Variants in DLGAP2 observed in about 807,000 individuals in gnomAD.
DLGAP2 encodes the protein DLG associated protein 2, also known as disks large-associated protein 2.
A neutral mutation model predicts 100.3 loss-of-function variants in DLGAP2; 26 were observed. The observed-to-expected ratio is 0.26, with a 90% CI of 0.19 to 0.36. DLGAP2 has a LOEUF of 0.36. Among genes scored for constraint, DLGAP2 ranks in the 10% least tolerant of loss-of-function variants. The pLI is 1.00. For synonymous variants in DLGAP2, 886 were observed against 630.1 expected (o/e 1.41, Z -6.08); for missense variants, 1,858 against 1,453.2 (o/e 1.28, Z -4.53).
intron 2 of DLGAP2, among the ~76,000 whole-genome samples, chr8:947,532 A>G (rs1799359210): frequency 2.0e-5 from 3 of 152,270 alleles, no homozygotes; most frequent in African/African-American, 7.2e-5. Context: ...TGGTGGCTGC[A>G]GGTTGCTGAT....
intron 3 of DLGAP2, among the ~76,000 whole-genome samples, chr8:1,422,164 G>A (rs1028416227): frequency 2.0e-5 from 3 of 152,150 alleles, no homozygotes; most frequent in Admixed American, 6.5e-5. Context: ...GCTGAGTCGC[G>A]AGGATGTTTC....
At chr8:803,787 T>C (rs1796215687) in intron 1 of DLGAP2, among the ~76,000 whole-genome samples, 1 of 152,234 alleles carries the variant, frequency 6.6e-6, no homozygotes, top group African/African-American at 2.4e-5. Flanking sequence ...TTGTGATACT[T>C]ATGCTAAAAT....
chr8:1,185,532 C>G (rs1027539209), intron 2 of DLGAP2, among the ~76,000 whole-genome samples: 5 of 152,158 alleles, frequency 3.3e-5, no homozygotes, highest in Admixed American at 3.3e-4. Flanking sequence ...TAGGAACCGT[C>G]ATACCATCAT....
At chr8:763,327 C>T (rs1821133822) in intron 1 of DLGAP2, among the ~76,000 whole-genome samples, 1 of 152,186 alleles carries the variant, frequency 6.6e-6, no homozygotes. Context: ...ATCACTGTTA[C>T]TGTTGTCACT....
intron 1 of DLGAP2, among the ~76,000 whole-genome samples, chr8:796,298 C>G (rs1796035635): frequency 6.6e-6 from 1 of 152,102 alleles, no homozygotes; most frequent in Non-Finnish European, 1.5e-5. Flanking sequence ...ACTTTGTGTC[C>G]CTGCTCTGAG....
intron 3 of DLGAP2, among the ~76,000 whole-genome samples, chr8:1,457,780 C>T (rs947966230): frequency 2.0e-5 from 3 of 151,890 alleles, no homozygotes; most frequent in African/African-American, 4.8e-5. Context: ...GTTGCCCTTC[C>T]TCCCTCCAGG....
At chr8:1,697,639 A>G (rs941766992) in intron 14 of DLGAP2, among the ~76,000 whole-genome samples, 6 of 152,238 alleles carry the variant, frequency 3.9e-5, no homozygotes, top group African/African-American at 1.4e-4. Flanking sequence ...CCTATGAATT[A>G]TCTTTATCAA....
intron 6 of DLGAP2, among the ~76,000 whole-genome samples, chr8:1,593,648 G>A (rs996486085): frequency 9.9e-5 from 15 of 152,114 alleles, no homozygotes; most frequent in Non-Finnish European, 1.5e-4. Context: ...TCCCAGGGGA[G>A]GGAAGGATCA....
intron 4 of DLGAP2, among the ~76,000 whole-genome samples, chr8:1,536,505 C>T (rs181571215): frequency 3.3e-5 from 5 of 152,222 alleles, no homozygotes; most frequent in Admixed American, 2.0e-4. Context: ...TTTTTCCATT[C>T]GGTAAACCAG....
intron 3 of DLGAP2, among the ~76,000 whole-genome samples, chr8:1,320,619 T>A (rs780056838): frequency 6.6e-6 from 1 of 152,164 alleles, no homozygotes; most frequent in Non-Finnish European, 1.5e-5. Context: ...ATATTCTAAG[T>A]TCTGGTCATA....
intron 3 of DLGAP2, among the ~76,000 whole-genome samples, chr8:1,327,780 C>T (rs933181131): frequency 6.6e-6 from 1 of 152,124 alleles, no homozygotes; most frequent in African/African-American, 2.4e-5. Flanking sequence ...GGAGGGGGAG[C>T]TTGCAATGAG....
intron 3 of DLGAP2, among the ~76,000 whole-genome samples, chr8:1,463,596 C>G (rs1156690741): frequency 6.6e-6 from 1 of 152,256 alleles, no homozygotes; most frequent in Non-Finnish European, 1.5e-5. Flanking sequence ...GTGGTTTAAG[C>G]CTGAGTTCTG....
At chr8:1,028,243 G>A (rs1302293272) in intron 2 of DLGAP2, among the ~76,000 whole-genome samples, 1 of 137,846 alleles carries the variant, frequency 7.3e-6, no homozygotes, top group Admixed American at 7.1e-5. Context: ...TATTCTCCAG[G>A]TGGGGTGTCA....
intron 1 of DLGAP2, among the ~76,000 whole-genome samples, chr8:813,940 T>C (rs1036234442): frequency 5.9e-5 from 9 of 151,962 alleles, no homozygotes; most frequent in African/African-American, 1.9e-4. Context: ...GAATAGATGA[T>C]AAAAAGTACA....
chr8:1,467,385 C>T (rs911112100), intron 3 of DLGAP2, among the ~76,000 whole-genome samples: 2 of 149,462 alleles, frequency 1.3e-5, no homozygotes, highest in Non-Finnish European at 3.0e-5. Context: ...CCCCCCAGAG[C>T]TCTGCCTTCT....
chr8:816,452 A>G (rs1313705779), intron 1 of DLGAP2, among the ~76,000 whole-genome samples: 1 of 152,128 alleles, frequency 6.6e-6, no homozygotes, highest in African/African-American at 2.4e-5. Context: ...GTTTATCTGG[A>G]AAAGAGTGTA....
At position 1,238,549 on chromosome 8, in the gene DLGAP2, T is replaced by TGTCTGGTTCTCTCACATGGC. The variant is rs1563272650; in HGVS notation, c.74-20301_74-20300insTCTGGTTCTCTCACATGGCG. On this transcript the variant is annotated intron_variant, in intron 2 of 14. Transcript: ENST00000637795. ...CGCCGTGTCTGGTTCTCTCACATGG[T>TGTCTGGTTCTCTCACATGGC]GCCGTGTCTAGTTCTCTCCCATGGC... 2.9e-3 allele frequency among the ~76,000 whole-genome samples: 204 copies of TGTCTGGTTCTCTCACATGGC among 71,344 alleles called. 7 individuals are homozygous for TGTCTGGTTCTCTCACATGGC. The highest frequency in any genetic ancestry group is 0.012 in the African/African-American group (190 of 16,038). The allele number at this position is 71,344 out of a possible 152,430, so 46.8% of individuals were successfully genotyped here. A position where few individuals can be genotyped will look rare whatever the true frequency, so the allele number is the denominator to read the frequency against.
intron 1 of DLGAP2, among the ~76,000 whole-genome samples, chr8:895,824 A>G (rs1239148565): frequency 3.8e-5 from 5 of 132,168 alleles, no homozygotes; most frequent in African/African-American, 1.2e-4. Context: ...GTGGCTAGGT[A>G]GGTGTGGGGC....
chr8:1,458,116 C>A (rs1798372905), intron 3 of DLGAP2, among the ~76,000 whole-genome samples: 1 of 149,654 alleles, frequency 6.7e-6, no homozygotes, highest in Non-Finnish European at 1.5e-5. Flanking sequence ...CCATGTTGGC[C>A]AGGATGGTCT....
Sources: allele counts gnomAD v4.1 joint callset (sites outside exome capture counted in the v4.1 genomes callset), GRCh38; gene constraint gnomAD v4.1.1; transcripts MANE v1.5; gene names NCBI Gene and HGNC (gene_info 2026-07-23, HGNC 2026-07-21).